The following CHD1 variants were observed in gnomAD, a reference collection of about 807,000 sequenced individuals.
CHD1 encodes ATP-dependent chromatin remodeler CHD1.
A neutral mutation model predicts 224.2 loss-of-function variants in CHD1; 36 were observed. The observed-to-expected ratio is 0.16, with a 90% CI of 0.12 to 0.21. CHD1 has a LOEUF of 0.21. CHD1 is among the 10% of genes least tolerant of loss of function. CHD1 has a pLI of 1.00. For synonymous variants in CHD1, 668 were observed against 658.3 expected, an observed-to-expected ratio of 1.01 and a Z score of -0.23; for missense variants, 1,378 against 1,994.8, an observed-to-expected ratio of 0.69 and a Z score of 5.89.
chr5:98,866,674 TAA>T (rs1229181423), intron 31 of CHD1, among the ~76,000 whole-genome samples: 2 of 152,126 alleles, frequency 1.3e-5, no homozygotes, highest in African/African-American at 4.8e-5. Flanking sequence ...TAGAAATCTC[TAA>T]AAAGGAAATA....
chr5:98,902,669 G>A (rs899954648), intron 5 of CHD1, among the ~76,000 whole-genome samples: 1 of 151,964 alleles, frequency 6.6e-6, no homozygotes, highest in Non-Finnish European at 1.5e-5. Context: ...AAAATATATA[G>A]GGGGAGTTAC....
rs760130915 is a variant in CHD1 at position 98,856,489 on chromosome 5, G to C, written c.5024C>G (p.Pro1675Arg). 5 of 1,613,736 alleles carry C rather than the reference G, an allele frequency of 3.1e-6. No homozygotes were observed. The highest frequency in any genetic ancestry group is 3.4e-6 in the Non-Finnish European group (4 of 1,179,714). The change falls in exon 36 of 36, where the codon CCT (proline) becomes CGT (arginine). Residue 1675 changes from proline (P) to arginine (R), a missense_variant. Physicochemically the swap from Pro to Arg is moderately radical, Grantham distance 103. This residue lies in a region of CHD1 where 278 missense variants were observed against 298.5 expected (regional missense o/e 0.93). Transcript: ENST00000614616. ...QMDHRASSSG[P>R]RSPLDQRSPY... Reference sequence around the variant, plus strand: ...AGATCTCTGATCTAGTGGTGACCTAGGGCCACTGCTGGAAGCTCTGTGGTC... The same window carrying C: ...AGATCTCTGATCTAGTGGTGACCTACGGCCACTGCTGGAAGCTCTGTGGTC...
chr5:98,891,397 T>A (rs1354785645), intron 15 of CHD1, among the ~76,000 whole-genome samples: 1 of 152,002 alleles, frequency 6.6e-6, no homozygotes, highest in Non-Finnish European at 1.5e-5. Context: ...TTTTTAAAAA[T>A]CAATTATTAG....
intron 30 of CHD1, 24 bp downstream of exon 30, chr5:98,869,730 T>G (rs776168231): frequency 1.6e-5 from 25 of 1,609,676 alleles, no homozygotes; most frequent in African/African-American, 4.0e-5. Context: ...TAGAAAAGGT[T>G]GTTGTTCTAA....
In CHD1 at chr5:98,859,984, C is replaced by T. The variant is rs755675464; in HGVS notation, c.4512G>A (p.Arg1504=). ...HKLYKHAIKK[R]QESQQNSDQN... is the part of the protein sequence containing the mutation. The stretch of plus-strand genomic sequence containing the variant: ...ATGTCAAGTTTACCTGAGACTCCTG[C>T]CGTTTTTTAATAGCATGCTTATATA... The change falls in exon 33 of 36, where the codon CGG becomes CGA. Residue 1504 remains arginine (R), a synonymous_variant. Coordinates refer to ENST00000614616, the MANE Select transcript of CHD1 (RefSeq NM_001270.4). 6.6e-7 allele frequency: 1 copy of T among 1,509,446 alleles called. No individual in the cohort carries two copies. The highest frequency in any genetic ancestry group is 2.3e-5 in the Admixed American group (1 of 43,756). The allele number at this position is 1,509,446 out of a possible 1,614,324, so 93.5% of individuals were successfully genotyped here.
In CHD1 at chr5:98,870,706, T is replaced by C; in HGVS notation, c.3959A>G (p.Lys1320Arg). The change falls in exon 29 of 36, where the codon AAA becomes AGA. Residue 1320 changes from lysine to arginine, a missense_variant. By Grantham distance (26) the Lys-to-Arg change is conservative. Around this residue, in one of 16 missense-constraint regions of CHD1, gnomAD observed 105 missense variants for 93.4 expected, o/e 1.12. Coordinates refer to ENST00000614616, the MANE Select transcript of CHD1 (RefSeq NM_001270.4). ...IKLLSRDLAK[K>R]EALSGAGSSK... ...ACTTACCGCACCAGAAAGAGCTTCT[T>C]TTTTTGCAAGATCTCTACTAAGTAA... 6.3e-7 allele frequency: 1 copy of C among 1,599,026 alleles called. No individual in the cohort carries two copies. The highest frequency in any genetic ancestry group is 8.5e-7 in the Non-Finnish European group (1 of 1,172,474).
intron 1 of CHD1, among the ~76,000 whole-genome samples, chr5:98,928,166 C>A (rs536977286): frequency 6.2e-4 from 94 of 151,874 alleles, no homozygotes; most frequent in Non-Finnish European, 1.1e-3. Context: ...CCAGGCTCGC[C>A]CGAGCCGCCG....
intron 2 of CHD1, among the ~76,000 whole-genome samples, chr5:98,920,234 C>A (rs1231508543): frequency 7.2e-5 from 11 of 152,016 alleles, no homozygotes; most frequent in Non-Finnish European, 1.2e-4. Flanking sequence ...TGTAAATACT[C>A]CCCCCACCAG....
At chr5:98,916,768 T>C (rs759195973) in intron 2 of CHD1, among the ~76,000 whole-genome samples, 7 of 152,010 alleles carry the variant, frequency 4.6e-5, no homozygotes, top group Non-Finnish European at 1.0e-4. Flanking sequence ...AAATGTGAAA[T>C]AAACAATGTA....
chr5:98,870,843 T>C (rs1179305576), intron 28 of CHD1, 40 bp from the exon 29 acceptor site: 6 of 1,278,530 alleles, frequency 4.7e-6, no homozygotes, highest in Admixed American at 1.8e-5. Context: ...TCTTAATAAA[T>C]AACATGAGAA....
Position 98,897,337 on chromosome 5 carries a change from C to G in CHD1, c.1366-17G>C. On this transcript the variant is annotated splice_polypyrimidine_tract_variant and intron_variant, in intron 10 of 35. Transcript: ENST00000614616. ...TTTTAATACCTTTAGTAGAAATAAA[C>G]ATTATTATGTAGAGTTATTAAATAT... 3.9e-6 allele frequency: 6 copies of G among 1,531,568 alleles called. No individual in the cohort carries two copies. The highest frequency in any genetic ancestry group is 4.5e-6 in the Non-Finnish European group (5 of 1,119,008). 94.9% of individuals were successfully genotyped at this position (1,531,568 alleles called of 1,614,324 possible). A position where few individuals can be genotyped will look rare whatever the true frequency, so the allele number is the denominator to read the frequency against.
intron 14 of CHD1, 107 bp from the exon 15 acceptor site, chr5:98,892,820 A>C: frequency 1.7e-6 from 1 of 599,674 alleles, no homozygotes; most frequent in Non-Finnish European, 2.6e-6. Context: ...AATACTACAG[A>C]TTTTTAGAAA....
At chr5:98,896,099 G>T in intron 12 of CHD1, 127 bp downstream of exon 12, 1 of 732,500 alleles carries the variant, frequency 1.4e-6, no homozygotes. Flanking sequence ...CAGTTGCAGT[G>T]AGCCAAGATC....
Position 98,900,924 on chromosome 5 carries a change from T to C in CHD1, c.746A>G (p.Lys249Arg), listed in dbSNP as rs1751659538. The change falls in exon 7 of 36, where the codon AAA becomes AGA. Residue 249 changes from lysine to arginine, a missense_variant. Physicochemically the swap from Lys to Arg is conservative, Grantham distance 26. Around this residue, in one of 16 missense-constraint regions of CHD1, gnomAD observed 306 missense variants for 298.1 expected, o/e 1.03. Coordinates refer to ENST00000614616, the MANE Select transcript of CHD1 (RefSeq NM_001270.4). ...TTCCAGTAGGTCATCAGAATCTGTT[T>C]TCATTTCTTCATCCTCCTTATAGCT... Reference protein sequence around the residue: ...NVSYKEDEEMKTDSDDLLEVC... With the variant: ...NVSYKEDEEMRTDSDDLLEVC... The C allele has an allele frequency of 6.2e-7, 1 of 1,614,012 alleles. No individual in the cohort carries two copies. Among genetic ancestry groups the C allele is most frequent in the African/African-American group, 1.3e-5 (1 of 74,916 alleles).
intron 2 of CHD1, among the ~76,000 whole-genome samples, chr5:98,921,518 C>T (rs1050419848): frequency 2.0e-5 from 3 of 152,210 alleles, no homozygotes; most frequent in Non-Finnish European, 4.4e-5. Context: ...ATGATGCCAA[C>T]ACCGCTGGTC....
chr5:98,901,883 A>C (rs1160344059), intron 5 of CHD1, among the ~76,000 whole-genome samples: 1 of 152,078 alleles, frequency 6.6e-6, no homozygotes, highest in Non-Finnish European at 1.5e-5. Flanking sequence ...GGATGTTAAT[A>C]TTTTGCTATC....
chr5:98,897,359 AT>A (rs777520541), intron 10 of CHD1, 39 bp from the exon 11 acceptor site: 1 of 1,378,756 alleles, frequency 7.3e-7, no homozygotes, highest in African/African-American at 1.5e-5. Context: ...GAGTTATTAA[AT>A]ATAAGAAATT....
At chr5:98,867,459 A>C in intron 31 of CHD1, among the ~76,000 whole-genome samples, 1 of 152,228 alleles carries the variant, frequency 6.6e-6, no homozygotes, top group East Asian at 1.9e-4. Flanking sequence ...TTTCTAGTGA[A>C]ACATTTCATT....
chr5:98,909,027 C>A (rs944002137), intron 2 of CHD1, among the ~76,000 whole-genome samples: 1 of 151,702 alleles, frequency 6.6e-6, no homozygotes, highest in Non-Finnish European at 1.5e-5. Flanking sequence ...GAATCTATCA[C>A]CCAGCTCCAC....
Sources: allele counts gnomAD v4.1 joint callset (sites outside exome capture counted in the v4.1 genomes callset), GRCh38; gene constraint gnomAD v4.1.1; regional missense constraint gnomAD v4.1.1; transcripts MANE v1.5; gene names NCBI Gene and HGNC (gene_info 2026-07-23, HGNC 2026-07-21).